The following RNF24 variants were observed in gnomAD, a reference collection of about 807,000 sequenced individuals.
RNF24 encodes ring finger protein 24.
RNF24 carries 14 observed loss-of-function variants against 20.0 expected under a neutral mutation model. The ratio of observed to expected loss-of-function variants is 0.70; its 90% CI spans 0.46 to 1.10. RNF24 has a LOEUF of 1.10. Ranked by LOEUF, RNF24 falls within the 50% of genes least tolerant of loss-of-function variation. The pLI is 0.00. For synonymous variants in RNF24, 45 were observed against 61.1 expected (o/e 0.74, Z 1.23); for missense variants, 124 against 177.6 (o/e 0.70, Z 1.71).
At chr20:4,012,119 T>C (rs1212316665) in intron 1 of RNF24, among the ~76,000 whole-genome samples, 1 of 151,934 alleles carries the variant, frequency 6.6e-6, no homozygotes, top group South Asian at 2.1e-4. Context: ...TTTAAAACAA[T>C]AAACAATTAT....
intron 1 of RNF24, among the ~76,000 whole-genome samples, chr20:4,001,975 G>C (rs1030960707): frequency 6.6e-6 from 1 of 151,470 alleles, no homozygotes; most frequent in Non-Finnish European, 1.5e-5. Flanking sequence ...AAACAGGGCC[G>C]GGCGCGGTGG....
chr20:3,982,128 TC>T (rs1979458925), intron 1 of RNF24, among the ~76,000 whole-genome samples: 1 of 151,170 alleles, frequency 6.6e-6, no homozygotes, highest in Non-Finnish European at 1.5e-5. Context: ...TCTCTCTCTC[TC>T]TCTCTCAATA....
chr20:3,945,016 C>A (rs888121119), intron 4 of RNF24, among the ~76,000 whole-genome samples, 161 bp downstream of exon 4: 6 of 152,170 alleles, frequency 3.9e-5, no homozygotes, highest in Admixed American at 3.3e-4. Context: ...AAAGCCTTCA[C>A]ACAATTGATT....
chr20:3,958,157 C>T (rs1201260992), intron 2 of RNF24, among the ~76,000 whole-genome samples: 2 of 152,220 alleles, frequency 1.3e-5, no homozygotes, highest in East Asian at 3.8e-4. Flanking sequence ...ACCCTCATCT[C>T]TGTCTTAGGA....
At chr20:3,960,665 TCAAAACAAAA>T (rs746040533) in intron 2 of RNF24, among the ~76,000 whole-genome samples, 4 of 152,068 alleles carry the variant, frequency 2.6e-5, no homozygotes, top group African/African-American at 4.8e-5. Flanking sequence ...AGACTCTATC[TCAAAACAAAA>T]CAAAACAAAA....
intron 1 of RNF24, among the ~76,000 whole-genome samples, chr20:3,988,913 TAAAAG>T (rs781219957): frequency 6.6e-6 from 1 of 152,132 alleles, no homozygotes; most frequent in Non-Finnish European, 1.5e-5. Flanking sequence ...AGAATCTTAT[TAAAAG>T]AACAAAAAGA....
intron 4 of RNF24, among the ~76,000 whole-genome samples, chr20:3,942,193 G>GCAA (rs1268488825): frequency 6.7e-6 from 1 of 149,798 alleles, no homozygotes; most frequent in Non-Finnish European, 1.5e-5. Flanking sequence ...TTTTGAGGTA[G>GCAA]GTTCTTGCCC....
At chr20:4,001,286 A>C (rs796508661) in intron 1 of RNF24, among the ~76,000 whole-genome samples, 3 of 152,258 alleles carry the variant, frequency 2.0e-5, no homozygotes, top group African/African-American at 7.2e-5. Context: ...CAAACAAACA[A>C]AAAACCTCAT....
chr20:3,944,209 C>CAAAAAA (rs58334745), intron 4 of RNF24, among the ~76,000 whole-genome samples: 3 of 109,874 alleles, frequency 2.7e-5, no homozygotes, highest in Admixed American at 1.1e-4. Flanking sequence ...GACCCCGTCT[C>CAAAAAA]AAAAAAAAAA....
intron 1 of RNF24, among the ~76,000 whole-genome samples, chr20:4,014,739 G>GCACACACACACA (rs146278311): frequency 5.9e-4 from 85 of 143,778 alleles, no homozygotes; most frequent in Admixed American, 1.6e-3. Context: ...ACTTGAATGC[G>GCACACACACACA]CACACACACA....
intron 2 of RNF24, among the ~76,000 whole-genome samples, chr20:3,953,684 G>C (rs939296869): frequency 6.6e-6 from 1 of 150,718 alleles, no homozygotes. Flanking sequence ...AGATGGTCTC[G>C]ATCTCCTGAC....
chr20:3,997,029 G>C (rs1344150320), intron 1 of RNF24, among the ~76,000 whole-genome samples: 1 of 151,758 alleles, frequency 6.6e-6, no homozygotes, highest in Non-Finnish European at 1.5e-5. Context: ...GACCATCCTG[G>C]CTAACACGGT....
chr20:3,988,787 G>A (rs1210964141), intron 1 of RNF24, among the ~76,000 whole-genome samples: 2 of 152,022 alleles, frequency 1.3e-5, no homozygotes, highest in Non-Finnish European at 2.9e-5. Flanking sequence ...AAATATTTTG[G>A]ATAATAGATT....
chr20:4,008,387 ATATTATATATG>A (rs1568672462), intron 1 of RNF24, among the ~76,000 whole-genome samples: 9 of 16,146 alleles, frequency 5.6e-4, no homozygotes, highest in Admixed American at 7.1e-4. Flanking sequence ...TATAATATAT[ATATTATATATG>A]TAATATGTAT....
intron 1 of RNF24, among the ~76,000 whole-genome samples, chr20:3,995,754 G>C (rs917929563): frequency 3.3e-5 from 5 of 152,028 alleles, no homozygotes; most frequent in African/African-American, 4.8e-5. Flanking sequence ...ATTTTAGGCA[G>C]CCAATGGAAC....
At chr20:3,972,803 T>C (rs1978473969) in intron 1 of RNF24, among the ~76,000 whole-genome samples, 1 of 151,890 alleles carries the variant, frequency 6.6e-6, no homozygotes, top group South Asian at 2.1e-4. Context: ...CTCAAGAGGC[T>C]AAGGCACGAG....
At chr20:3,999,548 A>G (rs1981211727) in intron 1 of RNF24, among the ~76,000 whole-genome samples, 1 of 152,184 alleles carries the variant, frequency 6.6e-6, no homozygotes, top group Non-Finnish European at 1.5e-5. Flanking sequence ...TGAGGTCAGG[A>G]GTTTGAGACC....
At chr20:3,949,858 G>A (rs1352277385) in intron 2 of RNF24, among the ~76,000 whole-genome samples, 2 of 152,006 alleles carry the variant, frequency 1.3e-5, no homozygotes, top group African/African-American at 4.8e-5. Flanking sequence ...AGAAATCTTT[G>A]CCTATCCCAA....
chr20:3,977,502 TATAAA>T (rs1166714996), intron 1 of RNF24, among the ~76,000 whole-genome samples: 1 of 151,708 alleles, frequency 6.6e-6, no homozygotes, highest in African/African-American at 2.4e-5. Flanking sequence ...ATTATAGAAA[TATAAA>T]ATAAAATGGT....
Sources: gnomAD v4.1 joint callset for allele counts (sites outside exome capture counted in the v4.1 genomes callset) on GRCh38, gnomAD v4.1.1 for gene constraint, MANE v1.5 for transcripts, NCBI Gene and HGNC (gene_info 2026-07-23, HGNC 2026-07-21) for gene names.